LDLRAD4: variants seen among roughly 807,000 people sequenced by gnomAD.
The protein encoded by LDLRAD4 is low-density lipoprotein receptor class A domain-containing protein 4.
A neutral mutation model predicts 17.0 loss-of-function variants in LDLRAD4; 5 were observed. The ratio of observed to expected loss-of-function variants is 0.29; its 90% CI spans 0.15 to 0.62. The LOEUF (loss-of-function observed/expected upper bound fraction) is 0.62, where lower values mean the gene tolerates loss of function less well. Ranked by LOEUF, LDLRAD4 falls within the 20% of genes least tolerant of loss-of-function variation. The pLI is 0.84. For missense variants in LDLRAD4, 340 were observed against 424.7 expected (o/e 0.80, Z 1.75); for synonymous variants, 168 against 171.8 (o/e 0.98, Z 0.17).
chr18:13,309,894 C>T (rs1040322089), intron 1 of LDLRAD4, among the ~76,000 whole-genome samples: 4 of 152,132 alleles, frequency 2.6e-5, no homozygotes, highest in African/African-American at 9.7e-5. Context: ...CTGCCCTCTC[C>T]AGATAATTCT....
intron 1 of LDLRAD4, among the ~76,000 whole-genome samples, chr18:13,363,932 C>G (rs897035): frequency 0.3 from 45,502 of 152,036 alleles, 6,889 homozygotes; most frequent in South Asian, 0.36. Context: ...ATGCCATGTA[C>G]TATGCTTGTT....
intron 3 of LDLRAD4, among the ~76,000 whole-genome samples, chr18:13,553,296 C>G (rs182244124): frequency 1.3e-5 from 2 of 152,312 alleles, no homozygotes; most frequent in African/African-American, 4.8e-5. Flanking sequence ...GTGTACACAT[C>G]ATCTCCAGCA....
intron 3 of LDLRAD4, among the ~76,000 whole-genome samples, chr18:13,602,897 A>G (rs2095180463): frequency 6.6e-6 from 1 of 152,224 alleles, no homozygotes; most frequent in Admixed American, 6.5e-5. Flanking sequence ...CAGCATTGGA[A>G]CAGGTTCCAA....
chr18:13,586,973 T>A (rs1250271369), intron 3 of LDLRAD4, among the ~76,000 whole-genome samples: 1 of 151,964 alleles, frequency 6.6e-6, no homozygotes, highest in African/African-American at 2.4e-5. Flanking sequence ...GAGTTCCAAG[T>A]CATGGGAGTC....
chr18:13,504,199 A>T (rs923077791), intron 3 of LDLRAD4, among the ~76,000 whole-genome samples: 3 of 152,122 alleles, frequency 2.0e-5, no homozygotes, highest in Non-Finnish European at 4.4e-5. Flanking sequence ...TCAAAAACAG[A>T]GACTTGGACA....
chr18:13,502,326 A>T (rs969100886), intron 3 of LDLRAD4, among the ~76,000 whole-genome samples: 2 of 152,142 alleles, frequency 1.3e-5, no homozygotes, highest in African/African-American at 2.4e-5. Context: ...AGCTCTTGGG[A>T]CTGTGTCCAG....
Position 13,645,012 on chromosome 18 carries a change from G to T in LDLRAD4, c.391-115G>T. On this transcript the variant is annotated intron_variant, in intron 5 of 5. Coordinates refer to ENST00000359446, the Ensembl canonical transcript of LDLRAD4. This position sits in a 1 kb window ranked among gnomAD's most constrained non-coding sequence, Gnocchi z 5.7. ...TGTTTTCTTTTTTTTTTTCCTGGGA[G>T]ATGGTGTTCAAACTGGTAGGAACAC... is the stretch of plus-strand genomic sequence containing the variant. 1 of 787,366 alleles carries T rather than the reference G, an allele frequency of 1.3e-6. No homozygotes were observed. The highest frequency in any genetic ancestry group is 2.0e-6 in the Non-Finnish European group (1 of 495,820). 48.8% of individuals were successfully genotyped at this position (787,366 alleles called of 1,614,324 possible).
chr18:13,432,583 G>C (rs28650165), intron 2 of LDLRAD4, among the ~76,000 whole-genome samples: 24,097 of 152,226 alleles, frequency 0.16, 4,004 homozygotes, highest in African/African-American at 0.4. Flanking sequence ...CCTCTTGGCT[G>C]TGGTGGCTTG....
At chr18:13,624,638 C>T (rs1013705964) in intron 4 of LDLRAD4, among the ~76,000 whole-genome samples, 1 of 152,226 alleles carries the variant, frequency 6.6e-6, no homozygotes, top group African/African-American at 2.4e-5. Context: ...TCCTCCGTCC[C>T]CATGCCTGGC....
At chr18:13,339,342 C>CT (rs2082258236) in intron 1 of LDLRAD4, among the ~76,000 whole-genome samples, 1 of 152,008 alleles carries the variant, frequency 6.6e-6, no homozygotes, top group Non-Finnish European at 1.5e-5. Context: ...TCCCGAGTAG[C>CT]TGGGACTACA....
intron 2 of LDLRAD4, among the ~76,000 whole-genome samples, chr18:13,417,121 A>C (rs2088971846): frequency 6.6e-6 from 1 of 152,252 alleles, no homozygotes; most frequent in Non-Finnish European, 1.5e-5. Flanking sequence ...TTGTTACATT[A>C]GAAAAGTGAA....
intron 3 of LDLRAD4, among the ~76,000 whole-genome samples, chr18:13,607,774 C>T (rs1008196475): frequency 6.6e-6 from 1 of 152,182 alleles, no homozygotes; most frequent in African/African-American, 2.4e-5. Context: ...AGGACATGAA[C>T]TCATTCTTTT....
At chr18:13,244,612 G>C (rs1044115906) in intron 1 of LDLRAD4, among the ~76,000 whole-genome samples, 1 of 152,124 alleles carries the variant, frequency 6.6e-6, no homozygotes, top group Non-Finnish European at 1.5e-5. Context: ...ACCCATGTGG[G>C]TTGTATTGTG....
At chr18:13,463,566 C>T (rs117769422) in intron 3 of LDLRAD4, among the ~76,000 whole-genome samples, 2,060 of 152,318 alleles carry the variant, frequency 0.014, 24 homozygotes, top group Non-Finnish European at 0.018. Flanking sequence ...GAATACATCA[C>T]GCCTTTGGAT....
chr18:13,327,821 C>T (rs937974638), intron 1 of LDLRAD4, among the ~76,000 whole-genome samples: 2 of 152,160 alleles, frequency 1.3e-5, no homozygotes, highest in Non-Finnish European at 1.5e-5. Context: ...GGTGCTGTCA[C>T]GAGCCATATC....
chr18:13,328,240 A>T (rs1427766928), intron 1 of LDLRAD4, among the ~76,000 whole-genome samples: 1 of 152,194 alleles, frequency 6.6e-6, no homozygotes, highest in Non-Finnish European at 1.5e-5. Context: ...TTGATGTCAC[A>T]TGGCTAAAAA....
At chr18:13,253,222 G>A (rs556776392) in intron 1 of LDLRAD4, among the ~76,000 whole-genome samples, 28 of 152,208 alleles carry the variant, frequency 1.8e-4, no homozygotes, top group Non-Finnish European at 4.1e-4. Flanking sequence ...GAGGTGAGGA[G>A]GAGTGTCAGA....
At chr18:13,369,359 C>A (rs970519529) in intron 1 of LDLRAD4, among the ~76,000 whole-genome samples, 7 of 152,186 alleles carry the variant, frequency 4.6e-5, no homozygotes, top group Admixed American at 4.6e-4. Flanking sequence ...AGGTGTCAGG[C>A]GCTCTGTAAG....
intron 1 of LDLRAD4, among the ~76,000 whole-genome samples, chr18:13,308,796 C>T (rs1439768889): frequency 5.3e-5 from 8 of 152,206 alleles, no homozygotes; most frequent in Non-Finnish European, 1.2e-4. Flanking sequence ...ATACTGTTTC[C>T]AAGTTTTTGT....
Sources: allele counts gnomAD v4.1 joint callset (sites outside exome capture counted in the v4.1 genomes callset), GRCh38; gene constraint gnomAD v4.1.1; non-coding constraint Gnocchi (gnomAD v3.1); transcripts MANE v1.5; gene names NCBI Gene and HGNC (gene_info 2026-07-23, HGNC 2026-07-21).